The following GPC6 variants were observed in gnomAD, a reference collection of about 807,000 sequenced individuals.
GPC6 encodes glypican 6, also known as glypican-6.
In GPC6, 14 loss-of-function variants were observed where a neutral mutation model predicts 55.2. The ratio of observed to expected loss-of-function variants is 0.25; its 90% confidence interval spans 0.17 to 0.40. GPC6 has a LOEUF of 0.40. Ranked by LOEUF, GPC6 falls within the 10% of genes least tolerant of loss-of-function variation. The pLI, the probability that GPC6 is intolerant of heterozygous loss-of-function variation, is 1.00. For missense variants in GPC6, 641 were observed against 708.5 expected, an observed-to-expected ratio of 0.90 and a Z score of 1.08; for synonymous variants, 278 against 259.6, an observed-to-expected ratio of 1.07 and a Z score of -0.68.
chr13:94,266,289 C>T (rs1488948263), intron 4 of GPC6, among the ~76,000 whole-genome samples: 1 of 152,152 alleles, frequency 6.6e-6, no homozygotes. Flanking sequence ...CTGCATCAGC[C>T]TCCCGAGTAG....
intron 4 of GPC6, among the ~76,000 whole-genome samples, chr13:94,123,584 A>C (rs1259283512): frequency 6.6e-6 from 1 of 152,098 alleles, no homozygotes; most frequent in Non-Finnish European, 1.5e-5. Context: ...ATCATGAGAT[A>C]ACATCTTATT....
intron 2 of GPC6, among the ~76,000 whole-genome samples, chr13:93,568,086 A>G (rs1260958656): frequency 6.6e-6 from 1 of 152,174 alleles, no homozygotes; most frequent in Non-Finnish European, 1.5e-5. Context: ...AGTGAATGGC[A>G]TTTAACTGAG....
At chr13:93,262,705 A>G (rs1877191303) in intron 1 of GPC6, among the ~76,000 whole-genome samples, 1 of 152,170 alleles carries the variant, frequency 6.6e-6, no homozygotes, top group African/African-American at 2.4e-5. Context: ...GACTTGCCTC[A>G]GTTTCCCCCC....
rs1881418319 is a variant in GPC6 at position 94,407,570 on chromosome 13, GGAACTATTT to G, written c.*4359_*4367del. On this transcript the variant is annotated 3_prime_UTR_variant, in exon 9 of 9. Transcript: ENST00000377047. The stretch of plus-strand genomic sequence containing the variant: ...TAAGTACACTCAGCATCTGAAATCA[GGAACTATTT>G]GAACTTTAGAACATTTAGAGCTTCC... 6.6e-6 allele frequency among the ~76,000 whole-genome samples: 1 copy of G among 152,042 alleles called. No individual in the cohort carries two copies.
intron 3 of GPC6, among the ~76,000 whole-genome samples, chr13:93,938,926 AC>A (rs1335462649): frequency 2.0e-5 from 3 of 151,924 alleles, no homozygotes; most frequent in African/African-American, 4.8e-5. Flanking sequence ...ACACGGTGAA[AC>A]CCCGTCTCTA....
chr13:94,236,176 G>A (rs1890871581), intron 4 of GPC6, among the ~76,000 whole-genome samples: 1 of 152,028 alleles, frequency 6.6e-6, no homozygotes, highest in African/African-American at 2.4e-5. Flanking sequence ...CTTGGAATGT[G>A]TTTCATCATT....
At chr13:93,884,738 A>G (rs1324741297) in intron 3 of GPC6, among the ~76,000 whole-genome samples, 1 of 152,130 alleles carries the variant, frequency 6.6e-6, no homozygotes, top group Non-Finnish European at 1.5e-5. Flanking sequence ...ATACCCATGC[A>G]TTTATGGTAC....
At chr13:93,258,196 T>C (rs2139037186) in intron 1 of GPC6, among the ~76,000 whole-genome samples, 1 of 152,290 alleles carries the variant, frequency 6.6e-6, no homozygotes, top group Non-Finnish European at 1.5e-5. Flanking sequence ...CCAGCTCCTT[T>C]GCATCCAAGG....
chr13:93,817,106 C>T (rs962032881), intron 2 of GPC6, among the ~76,000 whole-genome samples: 4 of 152,144 alleles, frequency 2.6e-5, no homozygotes, highest in Admixed American at 1.3e-4. Context: ...AGGAAGGCTG[C>T]CTGGATTTGG....
rs1380481005 is a variant in GPC6 at position 93,676,125 on chromosome 13, AAATATATATATATATATATAT to A, written c.319+130706_319+130726del. Among the ~76,000 whole-genome samples the A allele has an allele frequency of 3.7e-3, 125 of 34,000 alleles. 12 individuals carry two copies. The highest frequency in any genetic ancestry group is 0.024 in the East Asian group (31 of 1,272). The allele number at this position is 34,000 out of a possible 152,430, so 22.3% of individuals were successfully genotyped here. A position where few individuals can be genotyped will look rare whatever the true frequency, so the allele number is the denominator to read the frequency against. On this transcript the variant is annotated intron_variant, in intron 2 of 8. Coordinates refer to ENST00000377047, the MANE Select transcript of GPC6 (RefSeq NM_005708.5). ...TTCTACTAAAAAAAAAAAAAAAAAA[AAATATATATATATATATATAT>A]ATATATATATATATATATATATACA...
rs1245260894 is a variant in GPC6 at position 93,397,798 on chromosome 13, TC to T, written c.161-147463del. On this transcript the variant is annotated intron_variant, in intron 1 of 8. Transcript: ENST00000377047. The stretch of plus-strand genomic sequence containing the variant: ...TCTCTGCTCAAAAGCTATTTTTTTT[TC>T]CTAAAAAGTCCTACTCAACTTGGAA... Among the ~76,000 whole-genome samples, 8 of 152,026 alleles carry T rather than the reference TC, an allele frequency of 5.3e-5. No individual in the cohort carries two copies. The East Asian group carries it at 1.2e-3, about 22-fold the overall frequency.
intron 4 of GPC6, among the ~76,000 whole-genome samples, chr13:94,203,945 G>C (rs1293520646): frequency 1.3e-5 from 2 of 151,904 alleles, no homozygotes; most frequent in Non-Finnish European, 2.9e-5. Context: ...ACCAGAGATG[G>C]GATGAATTCA....
chr13:93,715,047 A>G (rs1883203510), intron 2 of GPC6, among the ~76,000 whole-genome samples: 1 of 151,632 alleles, frequency 6.6e-6, no homozygotes, highest in Non-Finnish European at 1.5e-5. Context: ...CAGATGGTTT[A>G]GGCTGATTTC....
chr13:93,507,831 C>T (rs1880795325), intron 1 of GPC6, among the ~76,000 whole-genome samples: 1 of 151,652 alleles, frequency 6.6e-6, no homozygotes, highest in African/African-American at 2.4e-5. Flanking sequence ...TTAATAAACA[C>T]ATTGATTAGC....
intron 4 of GPC6, among the ~76,000 whole-genome samples, chr13:94,131,591 T>C (rs1271353924): frequency 1.3e-5 from 2 of 152,160 alleles, no homozygotes; most frequent in Non-Finnish European, 2.9e-5. Flanking sequence ...TATGTAATCT[T>C]AATGGGTCAT....
chr13:94,306,215 A>G lies in GPC6; in HGVS notation c.1152+92A>G, dbSNP rs775706646. The G allele has an allele frequency of 4.5e-6, 6 of 1,333,630 alleles. No homozygotes were observed. In the Admixed American group the frequency reaches 7.0e-5, roughly 16 times the overall value. The allele number at this position is 1,333,630 out of a possible 1,614,324, so 82.6% of individuals were successfully genotyped here. The stretch of plus-strand genomic sequence containing the variant: ...CCAGGAGATTCTGGAAAAGTTTGTT[A>G]TAAGAGTCATCTCATGCTTATATCT... On this transcript the variant is annotated intron_variant, in intron 6 of 8. Coordinates refer to ENST00000377047, the MANE Select transcript of GPC6 (RefSeq NM_005708.5).
chr13:94,377,348 A>G (rs1879920817), intron 6 of GPC6, among the ~76,000 whole-genome samples: 1 of 96,382 alleles, frequency 1.0e-5, no homozygotes, highest in South Asian at 4.3e-4. Flanking sequence ...CAAATTTACA[A>G]GAAAAAAACA....
At chr13:93,901,627 G>C (rs1476111606) in intron 3 of GPC6, among the ~76,000 whole-genome samples, 1 of 152,040 alleles carries the variant, frequency 6.6e-6, no homozygotes, top group Non-Finnish European at 1.5e-5. Flanking sequence ...TAAAGGCTGG[G>C]CACGGTGGTT....
chr13:94,189,747 C>A (rs1403403443), intron 4 of GPC6, among the ~76,000 whole-genome samples: 1 of 152,130 alleles, frequency 6.6e-6, no homozygotes, highest in Non-Finnish European at 1.5e-5. Flanking sequence ...CAGAGCCAGG[C>A]GCGGTGGCTT....
Sources: allele counts gnomAD v4.1 joint callset (sites outside exome capture counted in the v4.1 genomes callset), GRCh38; gene constraint gnomAD v4.1.1; transcripts MANE v1.5; gene names NCBI Gene and HGNC (gene_info 2026-07-23, HGNC 2026-07-21).